The following SYT1 variants were observed in gnomAD, a reference collection of about 807,000 sequenced individuals.
The protein encoded by SYT1 is synaptotagmin-1.
In SYT1, 8 loss-of-function variants were observed where a neutral mutation model predicts 44.8. That is an observed-to-expected ratio of 0.18 (90% confidence interval 0.10 to 0.32). SYT1 has a LOEUF of 0.32. SYT1 is among the 10% of genes least tolerant of loss of function. The pLI is 1.00. For synonymous variants in SYT1, 154 were observed against 188.8 expected (o/e 0.82, Z 1.51); for missense variants, 286 against 509.3 (o/e 0.56, Z 4.22).
At chr12:79,001,183 A>C (rs1363977005) in intron 2 of SYT1, among the ~76,000 whole-genome samples, 2 of 151,846 alleles carry the variant, frequency 1.3e-5, no homozygotes, top group African/African-American at 4.8e-5. Context: ...CAGTTTACCT[A>C]TTTTACATGC....
chr12:79,345,674 C>T (rs1592985781), intron 8 of SYT1, among the ~76,000 whole-genome samples: 1 of 152,066 alleles, frequency 6.6e-6, no homozygotes, highest in Non-Finnish European at 1.5e-5. Flanking sequence ...ATGTAAATAC[C>T]GATTTGGCAG....
chr12:79,351,306 T>C (rs1882890660), intron 8 of SYT1, among the ~76,000 whole-genome samples: 1 of 152,166 alleles, frequency 6.6e-6, no homozygotes, highest in Admixed American at 6.5e-5. Flanking sequence ...TGTCATAAGA[T>C]TGAGGAATAA....
chr12:79,121,568 G>C (rs1451695734), intron 3 of SYT1, among the ~76,000 whole-genome samples: 1 of 152,110 alleles, frequency 6.6e-6, no homozygotes. Context: ...CCCCACTCAG[G>C]ACTTGCTAAC....
chr12:79,274,972 A>G (rs1878633343), intron 4 of SYT1, among the ~76,000 whole-genome samples: 1 of 152,166 alleles, frequency 6.6e-6, no homozygotes, highest in Admixed American at 6.5e-5. Context: ...AGGACAGATC[A>G]GCCTTGTCCA....
intron 3 of SYT1, among the ~76,000 whole-genome samples, chr12:79,215,196 A>G (rs1015159590): frequency 4.6e-5 from 7 of 152,142 alleles, no homozygotes; most frequent in African/African-American, 1.7e-4. Flanking sequence ...CAATTCTGGG[A>G]GGCCAAGTGC....
chr12:78,917,789 C>A (rs1876753608), intron 1 of SYT1, among the ~76,000 whole-genome samples: 1 of 151,916 alleles, frequency 6.6e-6, no homozygotes, highest in Admixed American at 6.6e-5. Context: ...AGAATTGGGC[C>A]TTGGACAGAA....
intron 2 of SYT1, among the ~76,000 whole-genome samples, chr12:79,017,695 G>T (rs371182617): frequency 3.3e-5 from 5 of 152,040 alleles, no homozygotes; most frequent in Non-Finnish European, 7.4e-5. Flanking sequence ...GGCTGATAAA[G>T]GTCCTGCATG....
At chr12:79,294,890 C>T (rs112925732) in intron 6 of SYT1, among the ~76,000 whole-genome samples, 3 of 137,170 alleles carry the variant, frequency 2.2e-5, no homozygotes, top group Non-Finnish European at 4.8e-5. Flanking sequence ...CATGATTCCA[C>T]AAAAAAAAAA....
rs1245992862 is a variant in SYT1 at position 79,040,193 on chromosome 12, G to A, written c.-83-7104G>A. Among the ~76,000 whole-genome samples, 367 of 151,564 alleles carry A rather than the reference G, an allele frequency of 2.4e-3. 2 individuals are homozygous for A. The highest frequency in any genetic ancestry group is 0.01 in the Middle Eastern group (3 of 292). Reference sequence around the variant, plus strand: ...TCTAGTTCCAGATCCCTGAGGAATCGCCACACTGACTTCCACAATGGTTGA... The same window carrying A: ...TCTAGTTCCAGATCCCTGAGGAATCACCACACTGACTTCCACAATGGTTGA... On this transcript the variant is annotated intron_variant, in intron 2 of 10. Transcript: ENST00000261205.
At chr12:79,064,417 G>A (rs1438050380) in intron 3 of SYT1, among the ~76,000 whole-genome samples, 1 of 152,116 alleles carries the variant, frequency 6.6e-6, no homozygotes, top group Non-Finnish European at 1.5e-5. Context: ...TCACAGTGGA[G>A]ATGGGGTAGA....
intron 1 of SYT1, among the ~76,000 whole-genome samples, chr12:78,956,078 T>C (rs1409558701): frequency 3.3e-5 from 5 of 151,976 alleles, no homozygotes; most frequent in African/African-American, 4.8e-5. Flanking sequence ...ATGAGGGTGC[T>C]TTACTTCTCT....
chr12:78,876,576 TACAC>T (rs1038933555), intron 1 of SYT1, among the ~76,000 whole-genome samples: 1 of 138,406 alleles, frequency 7.2e-6, no homozygotes, highest in African/African-American at 2.7e-5. Flanking sequence ...TACACACATA[TACAC>T]ACACACGTAT....
intron 2 of SYT1, among the ~76,000 whole-genome samples, chr12:79,037,383 G>T (rs188523963): frequency 6.6e-6 from 1 of 151,326 alleles, no homozygotes; most frequent in African/African-American, 2.4e-5. Context: ...ATAATGAAAT[G>T]TTAAACATGA....
chr12:79,179,526 G>GATATAGATATAGATATAGATATATCT (rs1565842504), intron 3 of SYT1, among the ~76,000 whole-genome samples: 10 of 14,520 alleles, frequency 6.9e-4, no homozygotes, highest in Admixed American at 1.7e-3. Context: ...TATCTATATA[G>GATATAGATATAGATATAGATATATCT]ATATAGATAT....
At chr12:79,302,994 C>T (rs1880222272) in intron 8 of SYT1, among the ~76,000 whole-genome samples, 1 of 152,088 alleles carries the variant, frequency 6.6e-6, no homozygotes, top group African/African-American at 2.4e-5. Context: ...TATAATTCTT[C>T]AGTGTGCAAA....
chr12:79,307,724 G>A (rs1363343581), intron 8 of SYT1, among the ~76,000 whole-genome samples: 1 of 152,186 alleles, frequency 6.6e-6, no homozygotes, highest in Non-Finnish European at 1.5e-5. Flanking sequence ...GGAGGAGAAG[G>A]GCTGTTTACC....
intron 3 of SYT1, among the ~76,000 whole-genome samples, chr12:79,127,059 A>G (rs1463341492): frequency 6.6e-6 from 1 of 152,190 alleles, no homozygotes; most frequent in African/African-American, 2.4e-5. Flanking sequence ...CACTGTTAAA[A>G]TGTGTCTCCA....
rs113921742 is a variant in SYT1, at chr12:79,399,983, C to G, written c.929-44090C>G. Reference sequence around the variant, plus strand: ...AGAGATCTTTAACCATATTCATATACAGCTCTGCTGGACAAACCAAATTGA... The same window carrying G: ...AGAGATCTTTAACCATATTCATATAGAGCTCTGCTGGACAAACCAAATTGA... On this transcript the variant is annotated intron_variant, in intron 9 of 10. Coordinates refer to ENST00000261205, the MANE Select transcript of SYT1 (RefSeq NM_005639.3). Among the ~76,000 whole-genome samples the G allele has an allele frequency of 6.9e-3, 1,054 of 152,330 alleles. 13 individuals are homozygous for G. The highest frequency in any genetic ancestry group is 0.024 in the African/African-American group (1,006 of 41,580).
intron 2 of SYT1, among the ~76,000 whole-genome samples, chr12:79,026,561 A>G (rs1872537610): frequency 6.7e-6 from 1 of 149,886 alleles, no homozygotes; most frequent in Non-Finnish European, 1.5e-5. Flanking sequence ...GTTTTTAGCT[A>G]TTAGAATATA....
Sources: gnomAD v4.1 joint callset for allele counts (sites outside exome capture counted in the v4.1 genomes callset) on GRCh38, gnomAD v4.1.1 for gene constraint, MANE v1.5 for transcripts, NCBI Gene and HGNC (gene_info 2026-07-23, HGNC 2026-07-21) for gene names.